ASIC2: variants seen among roughly 807,000 people sequenced by gnomAD.
ASIC2 encodes the protein acid sensing ion channel subunit 2, also known as acid-sensing ion channel 2.
Under a neutral mutation model 57.3 loss-of-function variants are expected in ASIC2, and 25 were observed. That is an observed-to-expected ratio of 0.44 (90% CI 0.32 to 0.61). ASIC2 has a LOEUF of 0.61. Ranked by LOEUF, ASIC2 falls within the 20% of genes least tolerant of loss-of-function variation. The pLI, the probability that ASIC2 is intolerant of heterozygous loss-of-function variation, is 0.06. For synonymous variants in ASIC2, 319 were observed against 307.5 expected, an observed-to-expected ratio of 1.04 and a Z score of -0.39; for missense variants, 641 against 738.1, an observed-to-expected ratio of 0.87 and a Z score of 1.52.
At chr17:33,562,496 G>A (rs1340026707) in intron 1 of ASIC2, among the ~76,000 whole-genome samples, 2 of 152,150 alleles carry the variant, frequency 1.3e-5, no homozygotes, top group Non-Finnish European at 2.9e-5. Context: ...GTCTAGGACC[G>A]ATGGATGTCA....
intron 1 of ASIC2, among the ~76,000 whole-genome samples, chr17:34,116,131 C>T (rs1422453713): frequency 1.3e-5 from 2 of 152,214 alleles, no homozygotes; most frequent in African/African-American, 4.8e-5. Context: ...CTTTGGTCTC[C>T]TGCAGTCCCT....
chr17:33,281,275 G>T (rs932691775), intron 1 of ASIC2, among the ~76,000 whole-genome samples: 1 of 152,170 alleles, frequency 6.6e-6, no homozygotes, highest in Admixed American at 6.5e-5. Flanking sequence ...GGCTAGAATT[G>T]TAACAATATA....
chr17:33,795,111 C>T (rs1183172149), intron 1 of ASIC2, among the ~76,000 whole-genome samples: 2 of 152,136 alleles, frequency 1.3e-5, no homozygotes, highest in African/African-American at 4.8e-5. Flanking sequence ...TCTGTGATAC[C>T]ACAATGAACT....
chr17:33,468,085 C>T (rs1285567861), intron 1 of ASIC2, among the ~76,000 whole-genome samples: 2 of 152,192 alleles, frequency 1.3e-5, no homozygotes, highest in East Asian at 1.9e-4. Flanking sequence ...TATCAGATGG[C>T]TCTTCCTTGG....
chr17:33,908,725 A>G (rs1915400248), intron 1 of ASIC2, among the ~76,000 whole-genome samples: 1 of 152,214 alleles, frequency 6.6e-6, no homozygotes, highest in African/African-American at 2.4e-5. Flanking sequence ...TCACAGATTA[A>G]ATAACTGATC....
intron 1 of ASIC2, among the ~76,000 whole-genome samples, chr17:33,476,504 C>CATATATATATATATATAT (rs67811038): frequency 9.0e-5 from 11 of 122,740 alleles, no homozygotes; most frequent in Non-Finnish European, 1.7e-4. Flanking sequence ...TGTGTGTGTG[C>CATATATATATATATATAT]ATATATATAT....
At chr17:33,911,226 G>C (rs1237544997) in intron 1 of ASIC2, among the ~76,000 whole-genome samples, 1 of 152,180 alleles carries the variant, frequency 6.6e-6, no homozygotes, top group Non-Finnish European at 1.5e-5. Flanking sequence ...AGGGACCTCT[G>C]TGTAATCTAC....
intron 1 of ASIC2, among the ~76,000 whole-genome samples, chr17:33,326,578 C>A (rs1907087179): frequency 6.6e-6 from 1 of 152,216 alleles, no homozygotes; most frequent in Non-Finnish European, 1.5e-5. Flanking sequence ...ACTCAGTTGT[C>A]TAGCAATGAA....
chr17:33,023,713 G>A, intron 6 of ASIC2, 148 bp downstream of exon 6: 1 of 1,065,716 alleles, frequency 9.4e-7, no homozygotes, highest in Non-Finnish European at 1.3e-6. Flanking sequence ...TCTGAACATG[G>A]AGCGCAGAGC....
chr17:33,869,720 T>C (rs1914339104), intron 1 of ASIC2, among the ~76,000 whole-genome samples: 1 of 152,230 alleles, frequency 6.6e-6, no homozygotes, highest in Admixed American at 6.5e-5. Context: ...AAATTAATGG[T>C]TGCCTATGGC....
chr17:33,912,455 C>G (rs1185660281), intron 1 of ASIC2, among the ~76,000 whole-genome samples: 2 of 151,978 alleles, frequency 1.3e-5, no homozygotes, highest in Non-Finnish European at 2.9e-5. Flanking sequence ...GCACTCCAGC[C>G]TGGGTGACAG....
intron 1 of ASIC2, among the ~76,000 whole-genome samples, chr17:33,537,932 T>C (rs1915286739): frequency 6.6e-6 from 1 of 152,230 alleles, no homozygotes; most frequent in South Asian, 2.1e-4. Flanking sequence ...CAGAGAAAGC[T>C]AATCCCTATC....
At position 33,252,404 on chromosome 17, in the gene ASIC2, A is replaced by T. The variant is rs139523884; in HGVS notation, c.708+39004T>A. 2.1e-3 allele frequency among the ~76,000 whole-genome samples: 326 copies of T among 152,356 alleles called. 2 individuals carry two copies. The highest frequency in any genetic ancestry group is 0.014 in the Middle Eastern group (4 of 294). ...GTTAGAGTCCGCTCTGTTCTAGGAC[A>T]AATTGGTCTACAAGGACCCGATACA... On this transcript the variant is annotated intron_variant, in intron 1 of 9. Coordinates refer to ENST00000225823, the MANE Select transcript of ASIC2 (RefSeq NM_183377.2).
intron 3 of ASIC2, among the ~76,000 whole-genome samples, chr17:33,048,641 G>A (rs1244103768): frequency 1.3e-5 from 2 of 152,164 alleles, no homozygotes; most frequent in Non-Finnish European, 1.5e-5. Context: ...TGGTGCAGTT[G>A]AGTCCTTGAA....
intron 1 of ASIC2, among the ~76,000 whole-genome samples, chr17:33,729,184 C>T (rs8079094): frequency 0.17 from 26,183 of 152,074 alleles, 2,845 homozygotes; most frequent in African/African-American, 0.31. Flanking sequence ...AGGGAGGTCT[C>T]TCAGGAAGCT....
intron 1 of ASIC2, among the ~76,000 whole-genome samples, chr17:33,284,215 A>G (rs1905062971): frequency 6.6e-6 from 1 of 152,214 alleles, no homozygotes; most frequent in Admixed American, 6.5e-5. Context: ...TATTTGTTTT[A>G]CCAACAATTC....
chr17:33,159,064 C>A (rs1905090812), intron 1 of ASIC2, among the ~76,000 whole-genome samples: 2 of 152,194 alleles, frequency 1.3e-5, no homozygotes, highest in Admixed American at 1.3e-4. Flanking sequence ...CCAGCGAGAG[C>A]ATTGGCAGTG....
intron 1 of ASIC2, among the ~76,000 whole-genome samples, chr17:33,767,704 C>A (rs1910973897): frequency 6.6e-6 from 1 of 152,182 alleles, no homozygotes; most frequent in Non-Finnish European, 1.5e-5. Flanking sequence ...AAGAGTATTT[C>A]TGTTTTATTG....
rs549015102 is a variant in ASIC2 at position 33,712,881 on chromosome 17, G to T, written c.555+443097C>A. Among the ~76,000 whole-genome samples the T allele has an allele frequency of 3.4e-3, 515 of 151,938 alleles. 2 individuals carry two copies. The highest frequency in any genetic ancestry group is 0.012 in the African/African-American group (490 of 41,408). On this transcript the variant is annotated intron_variant, in intron 1 of 9. Coordinates refer to the ASIC2 transcript ENST00000359872. ...GGGATGGTCTCGATCTCCTGACCTC[G>T]TGATCCGCCCGCCTCGGCCTCCCAA... is the stretch of plus-strand genomic sequence containing the variant.
Sources: allele counts gnomAD v4.1 joint callset (sites outside exome capture counted in the v4.1 genomes callset), GRCh38; gene constraint gnomAD v4.1.1; transcripts MANE v1.5; gene names NCBI Gene and HGNC (gene_info 2026-07-23, HGNC 2026-07-21).